PDE6D: variants seen among roughly 807,000 people sequenced by gnomAD.
The protein encoded by PDE6D is retinal rod rhodopsin-sensitive cGMP 3',5'-cyclic phosphodiesterase subunit delta.
PDE6D carries 10 observed loss-of-function variants against 21.9 expected under a neutral mutation model. The ratio of observed to expected loss-of-function variants is 0.46; its 90% confidence interval spans 0.28 to 0.78. The LOEUF (loss-of-function observed/expected upper bound fraction) is 0.78. Among genes scored for constraint, PDE6D ranks in the 30% least tolerant of loss-of-function variants. The pLI is 0.12. For synonymous variants in PDE6D, 59 were observed against 63.5 expected, an observed-to-expected ratio of 0.93 and a Z score of 0.34; for missense variants, 139 against 184.8, an observed-to-expected ratio of 0.75 and a Z score of 1.44.
intron 1 of PDE6D, among the ~76,000 whole-genome samples, chr2:231,770,880 G>C (rs1394549451): frequency 6.6e-6 from 1 of 151,754 alleles, no homozygotes; most frequent in African/African-American, 2.4e-5. Context: ...TTGAACCTGG[G>C]AGGCAGAGGT....
chr2:231,776,418 ATTAT>A (rs1476648604), intron 1 of PDE6D, among the ~76,000 whole-genome samples: 1 of 152,074 alleles, frequency 6.6e-6, no homozygotes, highest in Non-Finnish European at 1.5e-5. Context: ...TGGTAAATCT[ATTAT>A]TAAGTGAACA....
At chr2:231,749,857 A>G (rs1206120078) in intron 1 of PDE6D, among the ~76,000 whole-genome samples, 1 of 151,850 alleles carries the variant, frequency 6.6e-6, no homozygotes, top group Admixed American at 6.6e-5. Flanking sequence ...TGGACTGTGG[A>G]GTTTTGGGTT....
At chr2:231,736,272 C>G (rs2048701749) in intron 4 of PDE6D, among the ~76,000 whole-genome samples, 1 of 152,042 alleles carries the variant, frequency 6.6e-6, no homozygotes, top group African/African-American at 2.4e-5. Flanking sequence ...CATAAAGGAA[C>G]TGTTGAAAGA....
chr2:231,749,870 T>C (rs1479907122), intron 1 of PDE6D, among the ~76,000 whole-genome samples: 1 of 152,072 alleles, frequency 6.6e-6, no homozygotes, highest in Non-Finnish European at 1.5e-5. Context: ...TTTGGGTTAA[T>C]GTTGAAATGA....
At position 231,759,217 on chromosome 2, in the gene PDE6D, C is replaced by T. The variant is rs557982611; in HGVS notation, c.51-20029G>A. ...CTGTAGTCCCAGCTACTTGGGAAAC[C>T]GAGGTGGGAGGATTGCTTTAGCCCA... On this transcript the variant is annotated intron_variant, in intron 1 of 4. Transcript: ENST00000287600. Among the ~76,000 whole-genome samples, 7 of 151,964 alleles carry T rather than the reference C, an allele frequency of 4.6e-5. No homozygotes were observed. The South Asian group carries it at 1.0e-3, about 23-fold the overall frequency.
chr2:231,758,750 C>T (rs2048902986), intron 1 of PDE6D, among the ~76,000 whole-genome samples: 1 of 152,150 alleles, frequency 6.6e-6, no homozygotes, highest in Non-Finnish European at 1.5e-5. Flanking sequence ...TTTTCATATG[C>T]ATACCAGTCA....
At chr2:231,779,710 G>A (rs4479418) in intron 1 of PDE6D, among the ~76,000 whole-genome samples, 39,983 of 152,102 alleles carry the variant, frequency 0.26, 5,418 homozygotes, top group Non-Finnish European at 0.31. Context: ...AGTACTGAAA[G>A]TTTATCACAG....
chr2:231,761,882 G>A (rs1454307690), intron 1 of PDE6D, among the ~76,000 whole-genome samples: 1 of 152,162 alleles, frequency 6.6e-6, no homozygotes, highest in Non-Finnish European at 1.5e-5. Context: ...TTCAGACAGA[G>A]GTCTGTTCAC....
intron 1 of PDE6D, among the ~76,000 whole-genome samples, chr2:231,744,465 G>A (rs1354949473): frequency 1.4e-5 from 2 of 141,794 alleles, no homozygotes; most frequent in Non-Finnish European, 3.0e-5. Context: ...ACAGAGTTTC[G>A]CTCTTGTTGC....
chr2:231,773,666 G>C (rs1297210364), intron 1 of PDE6D, among the ~76,000 whole-genome samples: 3 of 152,122 alleles, frequency 2.0e-5, no homozygotes, highest in Non-Finnish European at 4.4e-5. Context: ...CAAACTATGG[G>C]AGAAGAAATG....
chr2:231,757,689 A>T (rs2048894012), intron 1 of PDE6D, among the ~76,000 whole-genome samples: 1 of 152,254 alleles, frequency 6.6e-6, no homozygotes, highest in South Asian at 2.1e-4. Flanking sequence ...ACAATATAAA[A>T]GCCTATCTAA....
intron 4 of PDE6D, among the ~76,000 whole-genome samples, chr2:231,735,595 G>A (rs2048693067): frequency 6.6e-6 from 1 of 151,678 alleles, no homozygotes; most frequent in Non-Finnish European, 1.5e-5. Context: ...ACTGCGCCCA[G>A]CCTCTTACAA....
intron 2 of PDE6D, among the ~76,000 whole-genome samples, chr2:231,738,788 C>T (rs544233735): frequency 1.6e-4 from 24 of 151,862 alleles, no homozygotes; most frequent in Non-Finnish European, 2.1e-4. Context: ...TGGTGGCGCA[C>T]GCCTGTAGTC....
intron 4 of PDE6D, among the ~76,000 whole-genome samples, chr2:231,735,763 C>T (rs1186216532): frequency 1.3e-5 from 2 of 151,860 alleles, no homozygotes; most frequent in Admixed American, 1.3e-4. Flanking sequence ...GTGGCTCATG[C>T]CTGTAATCCC....
At chr2:231,734,278 T>C (rs897902064) in intron 4 of PDE6D, among the ~76,000 whole-genome samples, 1 of 151,700 alleles carries the variant, frequency 6.6e-6, no homozygotes, top group Non-Finnish European at 1.5e-5. Flanking sequence ...TTATAATGAA[T>C]CAACTTATGA....
intron 2 of PDE6D, among the ~76,000 whole-genome samples, 154 bp downstream of exon 2, chr2:231,738,946 A>G (rs955669502): frequency 4.1e-5 from 6 of 146,800 alleles, no homozygotes; most frequent in Admixed American, 1.4e-4. Flanking sequence ...AAAAAAAAAG[A>G]AAGTAACTGA....
rs567240451 is a variant in PDE6D, at chr2:231,753,140, A to G, written c.51-13952T>C. ...GCCACCGCACCCGGCCTTCTCTTTT[A>G]TATTACTGGTCCAACAGCCTCCCAA... On this transcript the variant is annotated intron_variant, in intron 1 of 4. Coordinates refer to ENST00000287600, the MANE Select transcript of PDE6D (RefSeq NM_002601.4). 7.4e-4 allele frequency among the ~76,000 whole-genome samples: 111 copies of G among 149,788 alleles called. 3 individuals are homozygous for G. Among genetic ancestry groups the G allele is most frequent in the African/African-American group, 2.6e-3 (107 of 40,894 alleles).
At chr2:231,733,650 G>A (rs971946676) in intron 4 of PDE6D, among the ~76,000 whole-genome samples, 1 of 152,018 alleles carries the variant, frequency 6.6e-6, no homozygotes, top group Non-Finnish European at 1.5e-5. Flanking sequence ...TTCTCCTTGA[G>A]GAAGCCATCC....
chr2:231,773,749 A>G (rs2049032743), intron 1 of PDE6D, among the ~76,000 whole-genome samples: 1 of 152,216 alleles, frequency 6.6e-6, no homozygotes, highest in Non-Finnish European at 1.5e-5. Flanking sequence ...GCCATAAATT[A>G]GAATGAGATT....
Sources: allele counts gnomAD v4.1 joint callset (sites outside exome capture counted in the v4.1 genomes callset), GRCh38; gene constraint gnomAD v4.1.1; transcripts MANE v1.5; gene names NCBI Gene and HGNC (gene_info 2026-07-23, HGNC 2026-07-21).